The following WDR48 variants were observed in gnomAD, a reference collection of about 807,000 sequenced individuals.
The protein encoded by WDR48 is WD repeat domain 48, also known as WD repeat-containing protein 48.
WDR48 carries 22 observed loss-of-function variants against 94.0 expected under a neutral mutation model. The observed-to-expected ratio is 0.23, with a 90% CI of 0.17 to 0.33. The LOEUF is 0.33. Among genes scored for constraint, WDR48 ranks in the 10% least tolerant of loss-of-function variants. WDR48 has a pLI of 1.00. For synonymous variants in WDR48, 278 were observed against 280.5 expected (o/e 0.99, Z 0.09); for missense variants, 541 against 813.8 (o/e 0.66, Z 4.08).
In WDR48 at chr3:39,078,256, TAC is replaced by T; in HGVS notation, c.1075+18_1075+19del. ...TTATTAAAGGTAAGAAAATGGAAGG[TAC>T]TGTACCCCTTATTGAAGTTAGCGAT... is the stretch of plus-strand genomic sequence containing the variant. On this transcript the variant is annotated intron_variant, in intron 10 of 18. Transcript: ENST00000302313. The T allele has an allele frequency of 6.4e-7, 1 of 1,552,490 alleles. No homozygotes were observed. Among genetic ancestry groups the T allele is most frequent in the Non-Finnish European group, 8.8e-7 (1 of 1,132,252 alleles).
At position 39,070,098 on chromosome 3, in the gene WDR48, G is replaced by C. The variant is rs1274336738; in HGVS notation, c.672+354G>C. ...TAAGTGGAAAATTTGCTCACAGTGG[G>C]TCTGACTTAGGGGCACATTTTGTCA... On this transcript the variant is annotated intron_variant, in intron 7 of 18. Coordinates refer to ENST00000302313, the MANE Select transcript of WDR48 (RefSeq NM_020839.4). Among the ~76,000 whole-genome samples, 4 of 152,174 alleles carry C rather than the reference G, an allele frequency of 2.6e-5. No individual in the cohort carries two copies. The South Asian group carries it at 6.2e-4, about 24-fold the overall frequency.
intron 18 of WDR48, 136 bp downstream of exon 18, chr3:39,094,202 C>G: frequency 6.9e-7 from 1 of 1,456,334 alleles, no homozygotes; most frequent in Non-Finnish European, 9.0e-7. Context: ...TAAAGCCCAC[C>G]CTAAAGCTCC....
chr3:39,078,739 A>G (rs1425298135), intron 10 of WDR48, among the ~76,000 whole-genome samples: 6 of 105,638 alleles, frequency 5.7e-5, no homozygotes, highest in African/African-American at 1.8e-4. Context: ...ATTTTAAAAA[A>G]TGCTGTTAAT....
At chr3:39,068,181 T>C (rs996048030) in intron 5 of WDR48, among the ~76,000 whole-genome samples, 3 of 152,216 alleles carry the variant, frequency 2.0e-5, no homozygotes, top group Non-Finnish European at 2.9e-5. Flanking sequence ...AAACAGTACA[T>C]GTAGTAACTC....
At chr3:39,054,469 G>C (rs956751878) in intron 1 of WDR48, among the ~76,000 whole-genome samples, 1 of 152,176 alleles carries the variant, frequency 6.6e-6, no homozygotes, top group South Asian at 2.1e-4. Flanking sequence ...CGCTGGTTGA[G>C]AACCGCTGTT....
intron 10 of WDR48, among the ~76,000 whole-genome samples, chr3:39,079,251 G>A (rs947162555): frequency 1.3e-5 from 2 of 152,174 alleles, no homozygotes; most frequent in Admixed American, 1.3e-4. Context: ...TATGTTTAAT[G>A]TCAGAGTTTG....
chr3:39,052,093 C>A lies in WDR48; in HGVS notation c.48+20C>A. On this transcript the variant is annotated intron_variant, in intron 1 of 18. Coordinates refer to ENST00000302313, the MANE Select transcript of WDR48 (RefSeq NM_020839.4). ...GTGCAGGTATGGAAGCCCGGTTCCT[C>A]GGTCTTCCGGACGCGGCCGGCAGCT... The A allele has an allele frequency of 6.2e-7, 1 of 1,613,008 alleles. No homozygotes were observed. The highest frequency in any genetic ancestry group is 2.2e-5 in the East Asian group (1 of 44,818).
At chr3:39,068,513 A>G (rs1240207609) in intron 5 of WDR48, among the ~76,000 whole-genome samples, 1 of 152,214 alleles carries the variant, frequency 6.6e-6, no homozygotes, top group African/African-American at 2.4e-5. Flanking sequence ...AGCTTTAAAC[A>G]TATCATTTAA....
chr3:39,087,915 TAC>T (rs1173379759), intron 14 of WDR48: 5 of 531,474 alleles, frequency 9.4e-6, no homozygotes, highest in Middle Eastern at 5.1e-4. Flanking sequence ...TCCTCTAAAA[TAC>T]AGTCATTTTT....
At chr3:39,084,947 G>T (rs1354737052) in intron 13 of WDR48, among the ~76,000 whole-genome samples, 1 of 152,102 alleles carries the variant, frequency 6.6e-6, no homozygotes, top group Non-Finnish European at 1.5e-5. Context: ...CTGATTCTCG[G>T]CCAGGCGCAG....
rs937775883 is a variant in WDR48, at chr3:39,095,523, T to G, written c.*780T>G. 1 of 152,160 alleles carries G rather than the reference T, an allele frequency of 6.6e-6. No individual in the cohort carries two copies. The highest frequency in any genetic ancestry group is 1.5e-5 in the Non-Finnish European group (1 of 68,020). The allele number at this position is 152,160 out of a possible 1,614,324, so 9.4% of individuals were successfully genotyped here. ...CTTCCTCCACTGTGTCCAGTTTTAT[T>G]TACACAAAGCGAGCTGAGACCACAG... On this transcript the variant is annotated 3_prime_UTR_variant, in exon 19 of 19. Coordinates refer to ENST00000302313, the MANE Select transcript of WDR48 (RefSeq NM_020839.4).
Position 39,085,605 on chromosome 3 carries a change from A to G in WDR48, c.1469A>G (p.Asn490Ser). The G allele has an allele frequency of 1.9e-6, 3 of 1,608,678 alleles. No homozygotes were observed. The highest frequency in any genetic ancestry group is 2.5e-6 in the Non-Finnish European group (3 of 1,178,248). ...ATGGATGAAGAGGAAAATGAAGTAAACCATGGTTAGTTTTTATATTCAGAT... is the reference window on the plus strand; with the variant it reads ...ATGGATGAAGAGGAAAATGAAGTAAGCCATGGTTAGTTTTTATATTCAGAT... ...NPMDEEENEVNHVNGEQENRV... is the reference protein window; with the variant it reads ...NPMDEEENEVSHVNGEQENRV... Residue 490 changes from asparagine to serine, a missense_variant, in exon 14 of 19, where the codon AAC (asparagine) becomes AGC (serine). Coordinates refer to ENST00000302313, the MANE Select transcript of WDR48 (RefSeq NM_020839.4).
At chr3:39,073,006 T>G (rs911177303) in intron 7 of WDR48, among the ~76,000 whole-genome samples, 1 of 152,180 alleles carries the variant, frequency 6.6e-6, no homozygotes, top group Non-Finnish European at 1.5e-5. Context: ...TTGGGACTTA[T>G]CCTTTCCTGT....
chr3:39,062,635 A>G (rs2033338803), intron 1 of WDR48, among the ~76,000 whole-genome samples: 1 of 152,254 alleles, frequency 6.6e-6, no homozygotes, highest in African/African-American at 2.4e-5. Flanking sequence ...AACCTGGAGC[A>G]GAGATGAGTG....
chr3:39,076,987 C>A (rs1214398482), intron 8 of WDR48, 152 bp from the exon 9 acceptor site: 1 of 764,156 alleles, frequency 1.3e-6, no homozygotes, highest in Middle Eastern at 3.5e-4. Flanking sequence ...AAGACTCTCT[C>A]ATTTTTCTGT....
chr3:39,073,801 A>C (rs1446552911), intron 7 of WDR48, among the ~76,000 whole-genome samples: 1 of 152,180 alleles, frequency 6.6e-6, no homozygotes, highest in Non-Finnish European at 1.5e-5. Flanking sequence ...AAAGTGTCCA[A>C]CGCAAAGAGT....
At chr3:39,054,306 C>T (rs1170046223) in intron 1 of WDR48, among the ~76,000 whole-genome samples, 1 of 152,178 alleles carries the variant, frequency 6.6e-6, no homozygotes, top group Non-Finnish European at 1.5e-5. Flanking sequence ...GATAATTCTT[C>T]GCTGTGTCTG....
At chr3:39,054,572 A>G (rs878897555) in intron 1 of WDR48, among the ~76,000 whole-genome samples, 2 of 152,218 alleles carry the variant, frequency 1.3e-5, no homozygotes, top group Non-Finnish European at 2.9e-5. Context: ...TGCTTTGTCA[A>G]ATTTTTAAAT....
chr3:39,085,420 A>T, intron 13 of WDR48, 95 bp from the exon 14 acceptor site: 1 of 990,372 alleles, frequency 1.0e-6, no homozygotes, highest in Non-Finnish European at 1.6e-6. Flanking sequence ...GTAACATCAG[A>T]ATATGTACAA....
Sources: gnomAD v4.1 joint callset for allele counts (sites outside exome capture counted in the v4.1 genomes callset) on GRCh38, gnomAD v4.1.1 for gene constraint, MANE v1.5 for transcripts, NCBI Gene and HGNC (gene_info 2026-07-23, HGNC 2026-07-21) for gene names.